The following FBXL7 variants were observed in gnomAD, a reference collection of about 807,000 sequenced individuals.
FBXL7 encodes F-box and leucine rich repeat protein 7.
In FBXL7, 12 loss-of-function variants were observed where a neutral mutation model predicts 38.3. That is an observed-to-expected ratio of 0.31 (90% confidence interval 0.20 to 0.51). FBXL7 has a LOEUF of 0.51. Ranked by LOEUF, FBXL7 falls within the 20% of genes least tolerant of loss-of-function variation. FBXL7 has a pLI of 0.98. For missense variants in FBXL7, 567 were observed against 676.4 expected (o/e 0.84, Z 1.79); for synonymous variants, 297 against 300.9 (o/e 0.99, Z 0.13).
rs186926680 is a variant in FBXL7, at chr5:15,878,734, G to A, written c.128-49156G>A. On this transcript the variant is annotated intron_variant, in intron 2 of 3. Coordinates refer to ENST00000504595, the MANE Select transcript of FBXL7 (RefSeq NM_012304.5). ...GATGGAAGCTAGAGAAAATGGAGACGCAGCCAGGCTGAGTTTTCTGTCCAT... is the reference window on the plus strand; with the variant it reads ...GATGGAAGCTAGAGAAAATGGAGACACAGCCAGGCTGAGTTTTCTGTCCAT... Among the ~76,000 whole-genome samples the A allele has an allele frequency of 1.1e-4, 17 of 152,206 alleles. No individual in the cohort carries two copies. The East Asian group carries it at 1.4e-3, about 12-fold the overall frequency.
intron 1 of FBXL7, among the ~76,000 whole-genome samples, chr5:15,531,149 AAAAG>A (rs897575829): frequency 6.6e-5 from 10 of 152,216 alleles, no homozygotes; most frequent in Non-Finnish European, 1.3e-4. Flanking sequence ...ATATGTCCAA[AAAAG>A]AAAGACTTGA....
At chr5:15,594,443 A>AT (rs966211909) in intron 1 of FBXL7, among the ~76,000 whole-genome samples, 7 of 152,144 alleles carry the variant, frequency 4.6e-5, no homozygotes, top group African/African-American at 1.7e-4. Flanking sequence ...AGGGAGGTAT[A>AT]TTTTGCGTGA....
chr5:15,933,453 G>A (rs553769714), intron 3 of FBXL7, among the ~76,000 whole-genome samples: 43 of 152,236 alleles, frequency 2.8e-4, no homozygotes, highest in African/African-American at 9.9e-4. Flanking sequence ...CTTTATAGGC[G>A]TCACAGATGG....
chr5:15,613,587 T>C (rs1050563668), intron 1 of FBXL7, among the ~76,000 whole-genome samples: 2 of 152,162 alleles, frequency 1.3e-5, no homozygotes, highest in African/African-American at 4.8e-5. Context: ...GATGGCCATT[T>C]TTCTGAGTTC....
At chr5:15,731,297 C>T (rs1735576763) in intron 2 of FBXL7, among the ~76,000 whole-genome samples, 1 of 152,162 alleles carries the variant, frequency 6.6e-6, no homozygotes, top group Admixed American at 6.5e-5. Flanking sequence ...GGAAGCCTCA[C>T]AATCATGGTG....
At chr5:15,620,615 C>T (rs903582800) in intron 2 of FBXL7, among the ~76,000 whole-genome samples, 18 of 152,074 alleles carry the variant, frequency 1.2e-4, no homozygotes, top group African/African-American at 3.9e-4. Context: ...AGACCCGTTC[C>T]GAGGGGAGGA....
intron 2 of FBXL7, among the ~76,000 whole-genome samples, chr5:15,676,060 C>T (rs10454921): frequency 0.09 from 13,698 of 152,134 alleles, 759 homozygotes; most frequent in South Asian, 0.15. Context: ...ACATCAGTCC[C>T]GCTTCCTGGA....
At chr5:15,740,611 G>T (rs1443748514) in intron 2 of FBXL7, among the ~76,000 whole-genome samples, 1 of 152,140 alleles carries the variant, frequency 6.6e-6, no homozygotes, top group Non-Finnish European at 1.5e-5. Flanking sequence ...AAATGAGGGT[G>T]TTTATATATT....
At chr5:15,532,331 C>A (rs1347157733) in intron 1 of FBXL7, among the ~76,000 whole-genome samples, 1 of 152,142 alleles carries the variant, frequency 6.6e-6, no homozygotes, top group African/African-American at 2.4e-5. Context: ...ATTAATACTT[C>A]CCAAATAACC....
chr5:15,572,157 T>C (rs1218693377), intron 1 of FBXL7, among the ~76,000 whole-genome samples: 1 of 152,162 alleles, frequency 6.6e-6, no homozygotes, highest in Non-Finnish European at 1.5e-5. Flanking sequence ...GAACATTTAC[T>C]ATCTGAGTAT....
At chr5:15,619,303 G>A (rs1205536648) in intron 2 of FBXL7, among the ~76,000 whole-genome samples, 1 of 152,130 alleles carries the variant, frequency 6.6e-6, no homozygotes, top group Non-Finnish European at 1.5e-5. Context: ...AACAGGTGTG[G>A]ACCATCAGGA....
chr5:15,802,232 T>C (rs1468361120), intron 2 of FBXL7, among the ~76,000 whole-genome samples: 2 of 152,120 alleles, frequency 1.3e-5, no homozygotes, highest in Non-Finnish European at 2.9e-5. Context: ...ATTTCTCCCC[T>C]AAACAATCCA....
At chr5:15,632,005 C>A (rs1580420992) in intron 2 of FBXL7, among the ~76,000 whole-genome samples, 1 of 152,270 alleles carries the variant, frequency 6.6e-6, no homozygotes, top group Admixed American at 6.5e-5. Context: ...AACAGAGTTA[C>A]CCTAAAGCTA....
intron 1 of FBXL7, among the ~76,000 whole-genome samples, chr5:15,575,707 A>C (rs1317726001): frequency 6.6e-6 from 1 of 152,196 alleles, no homozygotes; most frequent in Non-Finnish European, 1.5e-5. Flanking sequence ...CTTATACTTC[A>C]ACTATTTTCA....
intron 2 of FBXL7, among the ~76,000 whole-genome samples, chr5:15,673,089 G>T (rs889635100): frequency 9.9e-5 from 15 of 152,100 alleles, no homozygotes; most frequent in African/African-American, 3.6e-4. Flanking sequence ...GCCGAGGAAG[G>T]CTAATCACCT....
intron 2 of FBXL7, among the ~76,000 whole-genome samples, chr5:15,736,083 G>A (rs552636120): frequency 6.6e-6 from 1 of 152,100 alleles, no homozygotes; most frequent in South Asian, 2.1e-4. Flanking sequence ...TGTCTTTCTG[G>A]GTGTTTCATG....
chr5:15,505,647 A>G (rs1232847492), intron 1 of FBXL7, among the ~76,000 whole-genome samples: 1 of 152,164 alleles, frequency 6.6e-6, no homozygotes, highest in Non-Finnish European at 1.5e-5. Flanking sequence ...AAATTGTCAG[A>G]TTAAGATGAT....
At chr5:15,697,722 T>C (rs1743384040) in intron 2 of FBXL7, among the ~76,000 whole-genome samples, 1 of 152,186 alleles carries the variant, frequency 6.6e-6, no homozygotes, top group Non-Finnish European at 1.5e-5. Flanking sequence ...CTCTTTTGGA[T>C]ATTTAAAAAA....
chr5:15,591,301 C>T (rs553416727), intron 1 of FBXL7, among the ~76,000 whole-genome samples: 6 of 151,788 alleles, frequency 4.0e-5, no homozygotes, highest in Admixed American at 6.6e-5. Context: ...TGGTGGCGGG[C>T]GCCTGTAGTC....
Sources: gnomAD v4.1 joint callset for allele counts (sites outside exome capture counted in the v4.1 genomes callset) on GRCh38, gnomAD v4.1.1 for gene constraint, MANE v1.5 for transcripts, NCBI Gene and HGNC (gene_info 2026-07-23, HGNC 2026-07-21) for gene names.